EPC2: variants seen among roughly 807,000 people sequenced by gnomAD.
The protein encoded by EPC2 is enhancer of polycomb 2, also known as enhancer of polycomb homolog 2.
A neutral mutation model predicts 92.1 loss-of-function variants in EPC2; 14 were observed. The ratio of observed to expected loss-of-function variants is 0.15; its 90% CI spans 0.10 to 0.24. The LOEUF (loss-of-function observed/expected upper bound fraction) is 0.24, where lower values mean the gene tolerates loss of function less well. EPC2 is among the 10% of genes least tolerant of loss of function. EPC2 has a pLI of 1.00. For synonymous variants in EPC2, 340 were observed against 334.7 expected, an observed-to-expected ratio of 1.02 and a Z score of -0.17; for missense variants, 755 against 971.5, an observed-to-expected ratio of 0.78 and a Z score of 2.96.
At chr2:148,781,201 T>G (rs1683740434) in intron 10 of EPC2, among the ~76,000 whole-genome samples, 1 of 152,232 alleles carries the variant, frequency 6.6e-6, no homozygotes, top group Non-Finnish European at 1.5e-5. Flanking sequence ...CTTCAGTGTT[T>G]TATGAAACCA....
intron 2 of EPC2, among the ~76,000 whole-genome samples, chr2:148,695,249 G>A (rs1262302837): frequency 1.3e-5 from 2 of 152,210 alleles, no homozygotes; most frequent in African/African-American, 4.8e-5. Context: ...ACTGAAAGAA[G>A]AGTTCAGGAG....
chr2:148,759,886 T>C lies in EPC2; in HGVS notation c.667-1896T>C, dbSNP rs553910271. 1.2e-3 allele frequency among the ~76,000 whole-genome samples: 177 copies of C among 152,290 alleles called. 1 individual carries two copies. Among genetic ancestry groups the C allele is most frequent in the African/African-American group, 4.1e-3 (172 of 41,562 alleles). On this transcript the variant is annotated intron_variant, in intron 4 of 13. Coordinates refer to ENST00000258484, the MANE Select transcript of EPC2 (RefSeq NM_015630.4). ...AAAGGTTTTGTTTTTGTTTTTTATT[T>C]GTTTTTTAAAAAAAGGACAAGACTG...
At chr2:148,667,251 C>G (rs1681073697) in intron 1 of EPC2, among the ~76,000 whole-genome samples, 2 of 152,150 alleles carry the variant, frequency 1.3e-5, no homozygotes, top group Non-Finnish European at 2.9e-5. Context: ...GTTGTAAGAC[C>G]TCAGGGTCAC....
At chr2:148,749,614 A>C (rs1454589184) in intron 3 of EPC2, among the ~76,000 whole-genome samples, 2 of 152,006 alleles carry the variant, frequency 1.3e-5, no homozygotes, top group Admixed American at 1.3e-4. Context: ...GAACAAGTAC[A>C]TTTTTACATG....
chr2:148,757,514 G>T (rs890675773), intron 4 of EPC2, among the ~76,000 whole-genome samples: 30 of 152,068 alleles, frequency 2.0e-4, no homozygotes, highest in Non-Finnish European at 3.4e-4. Flanking sequence ...GTAGAAATGG[G>T]CATGTCTAGC....
intron 3 of EPC2, 64 bp from the exon 4 acceptor site, chr2:148,753,863 T>C: frequency 6.9e-7 from 1 of 1,439,610 alleles, no homozygotes; most frequent in Non-Finnish European, 9.5e-7. Flanking sequence ...TCTACAGCCA[T>C]AAGCTAACTT....
intron 1 of EPC2, among the ~76,000 whole-genome samples, chr2:148,677,325 A>G (rs1473783410): frequency 2.0e-5 from 3 of 152,156 alleles, no homozygotes; most frequent in Non-Finnish European, 4.4e-5. Flanking sequence ...TCATCTGCCA[A>G]CTCTCTTAAC....
In EPC2 at chr2:148,706,827, G is replaced by A. The variant is rs149496338; in HGVS notation, c.313+16454G>A. 7.3e-3 allele frequency among the ~76,000 whole-genome samples: 1,115 copies of A among 152,136 alleles called. 6 individuals carry two copies. Among genetic ancestry groups the A allele is most frequent in the African/African-American group, 0.024 (1,015 of 41,528 alleles). Reference sequence around the variant, plus strand: ...GATTTTTGTCACCACCAGGCTTGCCGTACAAGAGCTCCTGAAGGAAGCACT... The same window carrying A: ...GATTTTTGTCACCACCAGGCTTGCCATACAAGAGCTCCTGAAGGAAGCACT... On this transcript the variant is annotated intron_variant, in intron 2 of 13. Transcript: ENST00000258484.
intron 2 of EPC2, chr2:148,691,398 A>G (rs1681640979): frequency 5.0e-6 from 5 of 994,810 alleles, no homozygotes; most frequent in Non-Finnish European, 7.4e-6. Flanking sequence ...ACCTACCTGT[A>G]TGAGAATCTC....
At chr2:148,733,110 C>T (rs1365260331) in intron 2 of EPC2, among the ~76,000 whole-genome samples, 4 of 120,524 alleles carry the variant, frequency 3.3e-5, no homozygotes, top group Non-Finnish European at 3.6e-5. Context: ...AGATTTCTTG[C>T]CGTTAGCTCC....
intron 1 of EPC2, among the ~76,000 whole-genome samples, chr2:148,656,419 G>A (rs2105352316): frequency 6.6e-6 from 1 of 152,234 alleles, no homozygotes; most frequent in African/African-American, 2.4e-5. Flanking sequence ...TGACTTGTCA[G>A]TGTTTTTACT....
At chr2:148,658,819 A>G (rs975378235) in intron 1 of EPC2, among the ~76,000 whole-genome samples, 17 of 151,964 alleles carry the variant, frequency 1.1e-4, no homozygotes, top group African/African-American at 4.1e-4. Context: ...ATTAAACTAT[A>G]TATGTATGTT....
intron 2 of EPC2, among the ~76,000 whole-genome samples, chr2:148,726,014 G>T (rs1234629985): frequency 1.3e-5 from 2 of 152,084 alleles, no homozygotes; most frequent in African/African-American, 4.8e-5. Context: ...TTGTTTTTAA[G>T]AATTTGACTA....
intron 2 of EPC2, 43 bp downstream of exon 2, chr2:148,690,416 TATCA>T: frequency 6.7e-7 from 1 of 1,502,068 alleles, no homozygotes; most frequent in Non-Finnish European, 8.9e-7. Context: ...ACTTTAAATT[TATCA>T]ACCAGTGGAA....
At position 148,660,706 on chromosome 2, in the gene EPC2, T is replaced by A. The variant is rs544939976; in HGVS notation, c.153+15536T>A. Among the ~76,000 whole-genome samples the A allele has an allele frequency of 1.2e-3, 190 of 152,178 alleles. 4 individuals are homozygous for A. The South Asian group carries it at 0.038, about 30-fold the overall frequency. On this transcript the variant is annotated intron_variant, in intron 1 of 13. Transcript: ENST00000258484. ...GTAGTTTGTTCTAGTATACACTGCGTTGTAGATCAGTATATTCATTCAAGT... is the reference window on the plus strand; with the variant it reads ...GTAGTTTGTTCTAGTATACACTGCGATGTAGATCAGTATATTCATTCAAGT...
In EPC2 at chr2:148,786,476, A is replaced by G. The variant is rs540364349; in HGVS notation, c.*99A>G. On this transcript the variant is annotated 3_prime_UTR_variant, in exon 14 of 14. Transcript: ENST00000258484. ...ACTCTGTGGATCACAGAGTGTAACA[A>G]TGGACCTAAATGGACTATAGTATAT... 317 of 838,106 alleles carry G rather than the reference A, an allele frequency of 3.8e-4. No homozygotes were observed. Among genetic ancestry groups the G allele is most frequent in the East Asian group, 1.3e-3 (50 of 37,192 alleles). 51.9% of individuals were successfully genotyped at this position (838,106 alleles called of 1,614,324 possible).
chr2:148,660,959 A>G (rs183130931), intron 1 of EPC2, among the ~76,000 whole-genome samples: 1 of 151,996 alleles, frequency 6.6e-6, no homozygotes, highest in East Asian at 1.9e-4. Context: ...ATTGTTTATT[A>G]TCTTATCTTT....
At chr2:148,716,448 T>C (rs1682263179) in intron 2 of EPC2, among the ~76,000 whole-genome samples, 1 of 152,364 alleles carries the variant, frequency 6.6e-6, no homozygotes, top group South Asian at 2.1e-4. Context: ...TGTTGAATTG[T>C]ATTGAAGGCC....
intron 1 of EPC2, among the ~76,000 whole-genome samples, chr2:148,647,790 G>C (rs1009938376): frequency 6.6e-6 from 1 of 151,908 alleles, no homozygotes; most frequent in Non-Finnish European, 1.5e-5. Context: ...GTGCCACTAT[G>C]CCCAGCTAAT....
Sources: allele counts gnomAD v4.1 joint callset (sites outside exome capture counted in the v4.1 genomes callset), GRCh38; gene constraint gnomAD v4.1.1; transcripts MANE v1.5; gene names NCBI Gene and HGNC (gene_info 2026-07-23, HGNC 2026-07-21).